The following UGT1A7 variants were observed in gnomAD, a reference collection of about 807,000 sequenced individuals.
UGT1A7 encodes UDP-glucuronosyltransferase 1A7.
UGT1A7 carries 33 observed loss-of-function variants against 45.6 expected under a neutral mutation model. That is an observed-to-expected ratio of 0.72 (90% confidence interval 0.55 to 0.97). The LOEUF is 0.97. Among genes scored for constraint, UGT1A7 ranks in the 50% least tolerant of loss-of-function variants. The pLI is 0.00. For missense variants in UGT1A7, 684 were observed against 666.2 expected (o/e 1.03, Z -0.29); for synonymous variants, 274 against 250.6 (o/e 1.09, Z -0.88).
At position 233,682,105 on chromosome 2, in the gene UGT1A7, C is replaced by T. The variant is rs7577789; in HGVS notation, c.168C>T (p.Val56=). 4.3e-6 allele frequency: 7 copies of T among 1,614,078 alleles called. No homozygotes were observed. The highest frequency in any genetic ancestry group is 3.3e-5 in the South Asian group (3 of 91,074). Residue 56 remains valine (V), a synonymous_variant, in exon 1 of 5, where the codon GTC becomes GTT. Transcript: ENST00000373426. ...TCATCCTCAGGGGGCATGAGGTGGTCGTAGTCATGCCAGAGGTGAGTTGGC... is the reference window on the plus strand; with the variant it reads ...TCATCCTCAGGGGGCATGAGGTGGTTGTAGTCATGCCAGAGGTGAGTTGGC... ...EKLILRGHEV[V]VVMPEVSWQL...
chr2:233,756,808 C>T (rs1575745774), intron 1 of UGT1A7, among the ~76,000 whole-genome samples: 1 of 152,078 alleles, frequency 6.6e-6, no homozygotes, highest in Non-Finnish European at 1.5e-5. Context: ...TAGTAAAGGT[C>T]ACTCAATTCC....
At chr2:233,692,066 G>T (rs1433912228) in intron 1 of UGT1A7, 2 of 152,176 alleles carry the variant, frequency 1.3e-5, no homozygotes, top group Admixed American at 6.5e-5. Context: ...AGGGAAGAAA[G>T]GAGAGAGAGA....
At chr2:233,702,042 A>C (rs1306276715) in intron 1 of UGT1A7, among the ~76,000 whole-genome samples, 1 of 152,222 alleles carries the variant, frequency 6.6e-6, no homozygotes, top group Non-Finnish European at 1.5e-5. Flanking sequence ...CCCTTCAAAA[A>C]ATTAACAATT....
intron 1 of UGT1A7, chr2:233,747,528 T>C: frequency 6.2e-7 from 1 of 1,605,898 alleles, no homozygotes; most frequent in Non-Finnish European, 8.5e-7. Context: ...AACAGAACAT[T>C]TTCTGAAGAC....
At chr2:233,720,769 G>A (rs1374980919) in intron 1 of UGT1A7, among the ~76,000 whole-genome samples, 1 of 151,034 alleles carries the variant, frequency 6.6e-6, no homozygotes, top group Non-Finnish European at 1.5e-5. Flanking sequence ...GCAGTGGCCG[G>A]ATCTCCGCTC....
At chr2:233,752,746 A>AAAACAAACAAAC (rs200752387) in intron 1 of UGT1A7, among the ~76,000 whole-genome samples, 1 of 152,190 alleles carries the variant, frequency 6.6e-6, no homozygotes, top group East Asian at 1.9e-4. Context: ...CCCTGTCTCT[A>AAAACAAACAAAC]AAACAAACAA....
intron 1 of UGT1A7, chr2:233,729,114 G>A: frequency 6.2e-7 from 1 of 1,612,948 alleles, no homozygotes. Context: ...AGCTGTCCGT[G>A]TCTTCTGCTG....
In UGT1A7 at chr2:233,769,823, C is replaced by A. The variant is rs1252116472; in HGVS notation, c.1295+1384C>A. The A allele has an allele frequency of 4.0e-5, 32 of 804,912 alleles. No homozygotes were observed. Among genetic ancestry groups the A allele is most frequent in the Non-Finnish European group, 5.3e-5 (30 of 565,272 alleles). 49.9% of individuals were successfully genotyped at this position (804,912 alleles called of 1,614,324 possible). A position where few individuals can be genotyped will look rare whatever the true frequency, so the allele number is the denominator to read the frequency against. On this transcript the variant is annotated intron_variant, in intron 4 of 4. Transcript: ENST00000373426. The surrounding 1 kb of genome is among the most constrained non-coding windows in gnomAD (Gnocchi z 4.4). ...TGAGCCGTGATCATGCCACTGCACT[C>A]CAGCAACCTGGGCAACAGAGTGAGA...
intron 2 of UGT1A7, 111 bp downstream of exon 2, chr2:233,767,276 C>CGGAA (rs1699353550): frequency 6.3e-7 from 1 of 1,578,136 alleles, no homozygotes; most frequent in Non-Finnish European, 8.5e-7. Context: ...TTGGCTTTTC[C>CGGAA]CTGCCACTTC....
At chr2:233,730,131 C>T (rs2077990612) in intron 1 of UGT1A7, 1 of 1,535,524 alleles carries the variant, frequency 6.5e-7, no homozygotes, top group Middle Eastern at 2.3e-4. Context: ...TAATAGCCTT[C>T]AGTGAGATAA....
intron 1 of UGT1A7, among the ~76,000 whole-genome samples, chr2:233,746,975 C>T (rs1401004389): frequency 1.3e-5 from 2 of 151,722 alleles, no homozygotes; most frequent in Non-Finnish European, 2.9e-5. Context: ...TTCCCCAGAG[C>T]GAGCGCAGGG....
At chr2:233,729,900 A>G in intron 1 of UGT1A7, 1 of 1,613,884 alleles carries the variant, frequency 6.2e-7, no homozygotes, top group Non-Finnish European at 8.5e-7. Flanking sequence ...GGCTGTTCCG[A>G]GGGGACTTTG....
At chr2:233,713,545 C>T (rs754205672) in intron 1 of UGT1A7, 16 of 1,613,878 alleles carry the variant, frequency 9.9e-6, no homozygotes, top group African/African-American at 1.3e-5. Context: ...TTTAAGGGCA[C>T]ACAGTGTCCA....
intron 1 of UGT1A7, chr2:233,760,971 C>A (rs773436128): frequency 6.2e-7 from 1 of 1,614,154 alleles, no homozygotes; most frequent in Non-Finnish European, 8.5e-7. Context: ...TGGTTTATTC[C>A]CCGTATGCAA....
intron 1 of UGT1A7, chr2:233,743,668 G>C (rs898129248): frequency 5.1e-6 from 7 of 1,367,120 alleles, no homozygotes; most frequent in Non-Finnish European, 6.9e-6. Flanking sequence ...AGGGGTCCTC[G>C]AAGGGCCTGC....
At chr2:233,693,268 G>C in intron 1 of UGT1A7, 1 of 1,614,110 alleles carries the variant, frequency 6.2e-7, no homozygotes, top group Non-Finnish European at 8.5e-7. Flanking sequence ...AAGAGCTGAA[G>C]AACCGTTACC....
intron 1 of UGT1A7, chr2:233,693,767 T>G: frequency 6.2e-7 from 1 of 1,614,246 alleles, no homozygotes; most frequent in Non-Finnish European, 8.5e-7. Context: ...TGTTTGGCTG[T>G]TAAGATATGA....
chr2:233,755,882 G>A (rs1696054394), intron 1 of UGT1A7: 2 of 152,208 alleles, frequency 1.3e-5, no homozygotes, highest in Non-Finnish European at 2.9e-5. Context: ...ACCTTTTTAT[G>A]TAACTTTTTT....
Position 233,682,555 on chromosome 2 carries a change from A to G in UGT1A7, c.618A>G (p.Arg206=). 1.2e-6 allele frequency: 2 copies of G among 1,613,922 alleles called. No individual in the cohort carries two copies. Among genetic ancestry groups the G allele is most frequent in the Non-Finnish European group, 1.7e-6 (2 of 1,179,850 alleles). Residue 206 remains arginine (R), a synonymous_variant, in exon 1 of 5, where the codon AGA becomes AGG. Transcript: ENST00000373426. The stretch of plus-strand genomic sequence containing the variant: ...CAGACGCCATGACTTTCAAGGAGAG[A>G]GTATGGAACCACATCATGCACTTGG... The part of the protein sequence containing the change: ...GFSDAMTFKE[R]VWNHIMHLEE...
Sources: allele counts gnomAD v4.1 joint callset (sites outside exome capture counted in the v4.1 genomes callset), GRCh38; gene constraint gnomAD v4.1.1; non-coding constraint Gnocchi (gnomAD v3.1); transcripts MANE v1.5; gene names NCBI Gene and HGNC (gene_info 2026-07-23, HGNC 2026-07-21).